CTNNA2: variants seen among roughly 807,000 people sequenced by gnomAD.
CTNNA2 encodes the protein catenin alpha 2, also known as catenin alpha-2.
Under a neutral mutation model 101.0 loss-of-function variants are expected in CTNNA2, and 42 were observed. The ratio of observed to expected loss-of-function variants is 0.42; its 90% CI spans 0.32 to 0.54. The LOEUF is 0.54. CTNNA2 is among the 20% of genes least tolerant of loss of function. The probability of loss-of-function intolerance (pLI) is 0.14; values close to 1 mark genes in which losing one functional copy is unlikely to be tolerated. For synonymous variants in CTNNA2, 450 were observed against 456.4 expected, an observed-to-expected ratio of 0.99 and a Z score of 0.18; for missense variants, 871 against 1,223.1, an observed-to-expected ratio of 0.71 and a Z score of 4.29.
chr2:79,323,776 G>A (rs920689528), intron 3 of CTNNA2, among the ~76,000 whole-genome samples: 1 of 152,164 alleles, frequency 6.6e-6, no homozygotes, highest in African/African-American at 2.4e-5. Flanking sequence ...GGAGGTGGGA[G>A]TTTCTCAAAG....
At chr2:80,487,354 T>C (rs1271604079) in intron 9 of CTNNA2, among the ~76,000 whole-genome samples, 1 of 151,884 alleles carries the variant, frequency 6.6e-6, no homozygotes, top group Non-Finnish European at 1.5e-5. Flanking sequence ...ATTCTCATGC[T>C]GCTATAAAGA....
chr2:80,166,436 G>T (rs1336182005), intron 7 of CTNNA2, among the ~76,000 whole-genome samples: 3 of 152,128 alleles, frequency 2.0e-5, no homozygotes, highest in Non-Finnish European at 2.9e-5. Flanking sequence ...GGGTCAGAGA[G>T]CTGCTGGGTT....
intron 1 of CTNNA2, among the ~76,000 whole-genome samples, chr2:79,610,084 C>CA (rs1233960378): frequency 6.6e-6 from 1 of 151,834 alleles, no homozygotes; most frequent in Non-Finnish European, 1.5e-5. Flanking sequence ...AATAAGAAAA[C>CA]AAAACAGTGT....
intron 7 of CTNNA2, among the ~76,000 whole-genome samples, chr2:79,988,213 G>T (rs1272448598): frequency 6.6e-6 from 1 of 152,132 alleles, no homozygotes; most frequent in Non-Finnish European, 1.5e-5. Flanking sequence ...TACCAGCTAC[G>T]CAGTTTCCTC....
At chr2:79,906,042 T>C (rs908746336) in intron 6 of CTNNA2, among the ~76,000 whole-genome samples, 1 of 151,996 alleles carries the variant, frequency 6.6e-6, no homozygotes, top group Non-Finnish European at 1.5e-5. Context: ...CCTGGCCAAT[T>C]CTCTAAAAAC....
chr2:80,325,611 C>T (rs1679168564), intron 7 of CTNNA2, among the ~76,000 whole-genome samples: 1 of 152,108 alleles, frequency 6.6e-6, no homozygotes, highest in African/African-American at 2.4e-5. Flanking sequence ...TCTTTCTCTA[C>T]AATATGAGAA....
At chr2:80,463,439 G>C (rs1024731515) in intron 9 of CTNNA2, among the ~76,000 whole-genome samples, 1 of 152,166 alleles carries the variant, frequency 6.6e-6, no homozygotes, top group East Asian at 1.9e-4. Context: ...ATCCTTAGAA[G>C]GGTTATGGAG....
intron 4 of CTNNA2, among the ~76,000 whole-genome samples, chr2:79,477,633 G>T (rs1270798117): frequency 1.3e-5 from 2 of 152,166 alleles, no homozygotes; most frequent in Admixed American, 1.3e-4. Context: ...ACAGCTCAAT[G>T]GTGCCTTTGG....
At chr2:79,427,753 C>T (rs1678608319) in intron 4 of CTNNA2, among the ~76,000 whole-genome samples, 1 of 151,986 alleles carries the variant, frequency 6.6e-6, no homozygotes, top group African/African-American at 2.4e-5. Context: ...ACTCTGAGGT[C>T]CGGCTTCTAG....
intron 7 of CTNNA2, among the ~76,000 whole-genome samples, chr2:80,136,457 T>C (rs891805225): frequency 1.3e-5 from 2 of 152,190 alleles, no homozygotes; most frequent in African/African-American, 2.4e-5. Flanking sequence ...TGTACCCTGC[T>C]TGGACTCTTC....
chr2:79,542,276 G>T (rs1051658722), intron 1 of CTNNA2, among the ~76,000 whole-genome samples: 2 of 152,094 alleles, frequency 1.3e-5, no homozygotes, highest in African/African-American at 4.8e-5. Context: ...TCGAAAGAAA[G>T]AAATTTTGTA....
chr2:79,810,278 G>T (rs1030954190), intron 3 of CTNNA2, among the ~76,000 whole-genome samples: 2 of 152,066 alleles, frequency 1.3e-5, no homozygotes, highest in Non-Finnish European at 2.9e-5. Context: ...GAAGGCAAAA[G>T]GTCTTACATC....
chr2:79,526,003 G>A (rs1434364399), intron 1 of CTNNA2, among the ~76,000 whole-genome samples: 1 of 151,930 alleles, frequency 6.6e-6, no homozygotes, highest in Non-Finnish European at 1.5e-5. Flanking sequence ...TTTGTTTGCT[G>A]TTTATGAATA....
chr2:79,691,561 A>C (rs2104702687), intron 2 of CTNNA2, among the ~76,000 whole-genome samples: 1 of 152,170 alleles, frequency 6.6e-6, no homozygotes, highest in Admixed American at 6.5e-5. Context: ...GAGTCTGTAT[A>C]GCCAGGACAA....
At chr2:80,326,741 C>A (rs939715456) in intron 7 of CTNNA2, among the ~76,000 whole-genome samples, 4 of 151,964 alleles carry the variant, frequency 2.6e-5, no homozygotes, top group African/African-American at 9.7e-5. Context: ...TCAAAAGAAA[C>A]AAAATGTCAG....
intron 6 of CTNNA2, among the ~76,000 whole-genome samples, chr2:79,884,197 A>G (rs1258694764): frequency 6.6e-6 from 1 of 152,054 alleles, no homozygotes; most frequent in Non-Finnish European, 1.5e-5. Context: ...TTGCCCTGGG[A>G]ATTTGTTTGA....
chr2:80,097,105 T>C (rs1021946609), intron 7 of CTNNA2, among the ~76,000 whole-genome samples: 1 of 152,222 alleles, frequency 6.6e-6, no homozygotes, highest in South Asian at 2.1e-4. Flanking sequence ...CTAGCCTTGA[T>C]GGTCTTTACA....
chr2:79,875,062 C>T (rs1366823124), intron 6 of CTNNA2, among the ~76,000 whole-genome samples: 1 of 152,176 alleles, frequency 6.6e-6, no homozygotes, highest in Non-Finnish European at 1.5e-5. Context: ...CCCTGGTCTT[C>T]ATTAGAACAG....
Position 79,286,003 on chromosome 2 carries a change from A to C in CTNNA2, c.-405-26706A>C, listed in dbSNP as rs532738816. Among the ~76,000 whole-genome samples the C allele has an allele frequency of 8.4e-4, 127 of 150,340 alleles. 1 individual carries two copies. Among genetic ancestry groups the C allele is most frequent in the African/African-American group, 1.1e-3 (42 of 39,742 alleles). ...TTGTTGAATTCATCCCTTTACCATTATGTAATGGCCTTCTTTGTCTCTTTT... is the reference window on the plus strand; with the variant it reads ...TTGTTGAATTCATCCCTTTACCATTCTGTAATGGCCTTCTTTGTCTCTTTT... On this transcript the variant is annotated intron_variant, in intron 2 of 21. Transcript: ENST00000466387.
Sources: allele counts gnomAD v4.1 joint callset (sites outside exome capture counted in the v4.1 genomes callset), GRCh38; gene constraint gnomAD v4.1.1; transcripts MANE v1.5; gene names NCBI Gene and HGNC (gene_info 2026-07-23, HGNC 2026-07-21).